Variants in DAB1 observed in about 807,000 individuals in gnomAD.
DAB1 encodes the protein DAB adaptor protein 1.
A neutral mutation model predicts 64.6 loss-of-function variants in DAB1; 15 were observed. The ratio of observed to expected loss-of-function variants is 0.23; its 90% CI spans 0.16 to 0.36. DAB1 has a LOEUF of 0.36. DAB1 is among the 10% of genes least tolerant of loss of function. DAB1 has a pLI of 1.00. For synonymous variants in DAB1, 235 were observed against 251.9 expected (o/e 0.93, Z 0.64); for missense variants, 596 against 706.7 (o/e 0.84, Z 1.78).
chr1:57,579,483 T>C (rs1007266722), intron 7 of DAB1, among the ~76,000 whole-genome samples: 11 of 152,356 alleles, frequency 7.2e-5, no homozygotes, highest in Admixed American at 2.0e-4. Flanking sequence ...GAAAGCACTT[T>C]GTAAACTATG....
intron 11 of DAB1, among the ~76,000 whole-genome samples, chr1:57,020,090 C>T (rs774927574): frequency 1.3e-5 from 2 of 151,908 alleles, no homozygotes; most frequent in Non-Finnish European, 2.9e-5. Flanking sequence ...GGAGACAAAA[C>T]AAAGAACAAA....
At chr1:57,847,194 T>C (rs1460720080) in intron 1 of DAB1, among the ~76,000 whole-genome samples, 1 of 152,134 alleles carries the variant, frequency 6.6e-6, no homozygotes, top group Non-Finnish European at 1.5e-5. Context: ...ATTACACTTC[T>C]GTCACTATAT....
intron 7 of DAB1, among the ~76,000 whole-genome samples, chr1:57,511,654 A>T (rs1644406743): frequency 6.6e-6 from 1 of 152,170 alleles, no homozygotes; most frequent in South Asian, 2.1e-4. Context: ...CCATGAGGGC[A>T]AGACCTTTTC....
chr1:58,370,392 T>C (rs910226136), intron 3 of DAB1, among the ~76,000 whole-genome samples: 31 of 142,806 alleles, frequency 2.2e-4, no homozygotes, highest in African/African-American at 7.4e-4. Context: ...TGTGTGTGTG[T>C]GTGTGTGTGT....
chr1:57,498,412 G>A (rs1644253813), intron 7 of DAB1, among the ~76,000 whole-genome samples: 2 of 152,176 alleles, frequency 1.3e-5, no homozygotes, highest in South Asian at 4.1e-4. Context: ...AAGATGGCCT[G>A]AAAGGGCACA....
chr1:57,902,086 G>A (rs1644482317), intron 5 of DAB1, among the ~76,000 whole-genome samples: 1 of 151,668 alleles, frequency 6.6e-6, no homozygotes, highest in Non-Finnish European at 1.5e-5. Flanking sequence ...GAGTTCAGGA[G>A]GTGGAGGTTG....
intron 4 of DAB1, among the ~76,000 whole-genome samples, chr1:58,169,884 C>G (rs1175109567): frequency 6.6e-6 from 1 of 152,154 alleles, no homozygotes; most frequent in African/African-American, 2.4e-5. Flanking sequence ...AGGTACATGT[C>G]CCCTTCTCCC....
chr1:57,966,133 G>A (rs556247073), intron 5 of DAB1, among the ~76,000 whole-genome samples: 1 of 152,280 alleles, frequency 6.6e-6, no homozygotes, highest in Non-Finnish European at 1.5e-5. Flanking sequence ...GGTTAGGGCA[G>A]AATCATATTG....
intron 2 of DAB1, among the ~76,000 whole-genome samples, chr1:57,188,144 G>A (rs770814373): frequency 6.6e-6 from 1 of 152,098 alleles, no homozygotes; most frequent in African/African-American, 2.4e-5. Flanking sequence ...TTTCTTTCTC[G>A]AGTCACTGAT....
intron 7 of DAB1, among the ~76,000 whole-genome samples, chr1:57,492,672 AAC>A (rs1424554708): frequency 2.6e-5 from 4 of 152,232 alleles, no homozygotes; most frequent in Non-Finnish European, 4.4e-5. Flanking sequence ...GGATTTTTAA[AAC>A]AGGAAAACCC....
At chr1:57,006,971 G>A (rs997269136) in intron 14 of DAB1, among the ~76,000 whole-genome samples, 1 of 152,094 alleles carries the variant, frequency 6.6e-6, no homozygotes, top group African/African-American at 2.4e-5. Context: ...CCCTGACTCT[G>A]TGTTTTGTTT....
At chr1:58,246,080 C>T (rs1223719531) in intron 4 of DAB1, among the ~76,000 whole-genome samples, 4 of 151,816 alleles carry the variant, frequency 2.6e-5, no homozygotes, top group Non-Finnish European at 1.5e-5. Flanking sequence ...ATTTTATACA[C>T]TTCCGTATCG....
intron 8 of DAB1, among the ~76,000 whole-genome samples, chr1:57,064,064 T>C (rs1046329798): frequency 2.6e-5 from 4 of 152,226 alleles, no homozygotes; most frequent in Non-Finnish European, 5.9e-5. Flanking sequence ...CTGAGACATA[T>C]GGTAAACGTA....
At chr1:57,078,482 A>C (rs2100617392) in intron 4 of DAB1, among the ~76,000 whole-genome samples, 1 of 152,326 alleles carries the variant, frequency 6.6e-6, no homozygotes, top group South Asian at 2.1e-4. Context: ...CATATATGAA[A>C]TGAGATACCA....
chr1:57,033,715 A>G, intron 9 of DAB1: 1 of 774,436 alleles, frequency 1.3e-6, no homozygotes, highest in East Asian at 2.7e-5. Flanking sequence ...GTCTGTGAAA[A>G]TCTTGGAATA....
chr1:58,477,680 G>A (rs1645432485), intron 3 of DAB1, among the ~76,000 whole-genome samples: 1 of 152,156 alleles, frequency 6.6e-6, no homozygotes, highest in Non-Finnish European at 1.5e-5. Flanking sequence ...GGAGCTACTG[G>A]CAACCATCTG....
intron 5 of DAB1, among the ~76,000 whole-genome samples, chr1:58,082,085 G>T (rs1037977045): frequency 2.0e-5 from 3 of 152,192 alleles, no homozygotes; most frequent in South Asian, 2.1e-4. Context: ...GAAGGACCAT[G>T]ACTTGCCCAC....
At chr1:57,199,112 G>A (rs1441587856) in intron 2 of DAB1, among the ~76,000 whole-genome samples, 3 of 152,192 alleles carry the variant, frequency 2.0e-5, no homozygotes, top group African/African-American at 7.2e-5. Context: ...AAAGACTCAC[G>A]TCACAGCATG....
chr1:57,107,134 G>T (rs547783439), intron 4 of DAB1, among the ~76,000 whole-genome samples: 6 of 152,068 alleles, frequency 3.9e-5, no homozygotes, highest in African/African-American at 1.2e-4. Context: ...CAGCACTTTG[G>T]GGGGCTGAGG....
Sources: gnomAD v4.1 joint callset for allele counts (sites outside exome capture counted in the v4.1 genomes callset) on GRCh38, gnomAD v4.1.1 for gene constraint, MANE v1.5 for transcripts, NCBI Gene and HGNC (gene_info 2026-07-23, HGNC 2026-07-21) for gene names.